The following DLGAP1 variants were observed in gnomAD, a reference collection of about 807,000 sequenced individuals.
DLGAP1 encodes the protein DLG associated protein 1, also known as disks large-associated protein 1.
DLGAP1 carries 11 observed loss-of-function variants against 90.8 expected under a neutral mutation model. The ratio of observed to expected loss-of-function variants is 0.12; its 90% CI spans 0.08 to 0.20. DLGAP1 has a LOEUF of 0.20. DLGAP1 is among the 10% of genes least tolerant of loss of function. The pLI, the probability that DLGAP1 is intolerant of heterozygous loss-of-function variation, is 1.00. For synonymous variants in DLGAP1, 558 were observed against 540.7 expected (o/e 1.03, Z -0.44); for missense variants, 1,050 against 1,333.8 (o/e 0.79, Z 3.31).
intron 1 of DLGAP1, among the ~76,000 whole-genome samples, chr18:4,302,811 T>A (rs1029284112): frequency 4.6e-5 from 7 of 152,248 alleles, no homozygotes; most frequent in African/African-American, 1.4e-4. Context: ...TTGGGTAGCA[T>A]GAACATTTTA....
chr18:4,043,879 CTCAAGTG>C (rs1310039415), intron 2 of DLGAP1, among the ~76,000 whole-genome samples: 2 of 152,186 alleles, frequency 1.3e-5, no homozygotes, highest in Admixed American at 6.5e-5. Context: ...CTATCATTTT[CTCAAGTG>C]TTAGTAAGTA....
At chr18:4,131,454 T>C (rs1017722154) in intron 2 of DLGAP1, among the ~76,000 whole-genome samples, 1 of 152,208 alleles carries the variant, frequency 6.6e-6, no homozygotes, top group African/African-American at 2.4e-5. Flanking sequence ...AGGGCCATAC[T>C]TCCTCTGTTG....
chr18:4,439,785 G>A (rs1278582502), intron 1 of DLGAP1, among the ~76,000 whole-genome samples: 1 of 151,740 alleles, frequency 6.6e-6, no homozygotes. Context: ...ATTCCAGCCT[G>A]GGAGATGGAG....
In DLGAP1 at chr18:3,973,290, CAAAAA is replaced by C. The variant is rs3031700; in HGVS notation, c.-73+31821_-73+31825del. Reference sequence around the variant, plus strand: ...AGAGAATAGTCAGAATAGCCATAGCCAAAAAAAAAAAAAAAAAAAGTCAATACATT... The same window carrying C: ...AGAGAATAGTCAGAATAGCCATAGCCAAAAAAAAAAAAAAGTCAATACATT... On this transcript the variant is annotated intron_variant, in intron 3 of 12. Coordinates refer to ENST00000315677, the MANE Select transcript of DLGAP1 (RefSeq NM_004746.4). 6.6e-4 allele frequency among the ~76,000 whole-genome samples: 89 copies of C among 134,846 alleles called. 1 individual carries two copies. Among genetic ancestry groups the C allele is most frequent in the South Asian group, 3.9e-3 (16 of 4,142 alleles). 88.5% of individuals were successfully genotyped at this position (134,846 alleles called of 152,430 possible).
At chr18:4,271,090 G>A (rs961961352) in intron 1 of DLGAP1, among the ~76,000 whole-genome samples, 1 of 152,094 alleles carries the variant, frequency 6.6e-6, no homozygotes, top group African/African-American at 2.4e-5. Context: ...TCTATAAAGG[G>A]GGAGTATTCT....
chr18:4,177,576 C>CATAGCACCA (rs1156796549), intron 1 of DLGAP1, among the ~76,000 whole-genome samples: 1 of 152,152 alleles, frequency 6.6e-6, no homozygotes, highest in Non-Finnish European at 1.5e-5. Flanking sequence ...AGGTAATAAG[C>CATAGCACCA]ATAGCACCAA....
chr18:4,446,514 T>C (rs1205848471), intron 1 of DLGAP1, among the ~76,000 whole-genome samples: 2 of 152,040 alleles, frequency 1.3e-5, no homozygotes, highest in African/African-American at 4.8e-5. Context: ...GAGTAAGAAA[T>C]TAAGACTAAG....
chr18:3,501,440 ACACTACGAC>A (rs1284322918), intron 12 of DLGAP1, among the ~76,000 whole-genome samples: 1 of 152,166 alleles, frequency 6.6e-6, no homozygotes, highest in Non-Finnish European at 1.5e-5. Flanking sequence ...TTCCAACTTA[ACACTACGAC>A]CCCCATTTTG....
chr18:4,364,325 G>A (rs919649711), intron 1 of DLGAP1, among the ~76,000 whole-genome samples: 1 of 150,074 alleles, frequency 6.7e-6, no homozygotes. Flanking sequence ...GTTAATGGGT[G>A]CAGCACACCA....
chr18:3,542,632 T>C (rs1371007180), intron 9 of DLGAP1, among the ~76,000 whole-genome samples: 1 of 152,206 alleles, frequency 6.6e-6, no homozygotes, highest in Non-Finnish European at 1.5e-5. Flanking sequence ...AGTAGCTTCT[T>C]TGCATACCCC....
At chr18:3,742,266 C>A (rs2063086572) in intron 6 of DLGAP1, 69 bp downstream of exon 6, 2 of 1,556,536 alleles carry the variant, frequency 1.3e-6, no homozygotes, top group Non-Finnish European at 1.7e-6. Context: ...CCACCTCATG[C>A]CCTCTCAATT....
intron 2 of DLGAP1, among the ~76,000 whole-genome samples, chr18:4,081,806 T>C (rs2075612260): frequency 6.6e-6 from 1 of 152,194 alleles, no homozygotes; most frequent in Non-Finnish European, 1.5e-5. Context: ...CCAACAGACT[T>C]TGTCCCAGGC....
chr18:3,671,340 G>A (rs2060083502), intron 7 of DLGAP1, among the ~76,000 whole-genome samples: 4 of 151,960 alleles, frequency 2.6e-5, no homozygotes, highest in Non-Finnish European at 5.9e-5. Flanking sequence ...AACATTTTAT[G>A]TATAAACACT....
Position 3,517,229 on chromosome 18 carries a change from C to T in DLGAP1, c.2480-8568G>A, listed in dbSNP as rs185451288. ...GACTTCAAGTCACCAGGTGCCTGAGCCCCTAACAAGAGAGTGAGCCTGTCC... is the reference window on the plus strand; with the variant it reads ...GACTTCAAGTCACCAGGTGCCTGAGTCCCTAACAAGAGAGTGAGCCTGTCC... On this transcript the variant is annotated intron_variant, in intron 10 of 12. Coordinates refer to ENST00000315677, the MANE Select transcript of DLGAP1 (RefSeq NM_004746.4). The surrounding 1 kb of genome is among the most constrained non-coding windows in gnomAD (Gnocchi z 4.1). Among the ~76,000 whole-genome samples, 26 of 152,302 alleles carry T rather than the reference C, an allele frequency of 1.7e-4. 1 individual carries two copies. The East Asian group carries it at 3.7e-3, about 21-fold the overall frequency.
intron 1 of DLGAP1, among the ~76,000 whole-genome samples, chr18:4,208,728 AAGAG>A (rs779226730): frequency 5.3e-5 from 8 of 152,052 alleles, no homozygotes; most frequent in Non-Finnish European, 1.0e-4. Flanking sequence ...CAGAGAGAAA[AAGAG>A]AGAGAGAAAG....
intron 5 of DLGAP1, among the ~76,000 whole-genome samples, chr18:3,813,344 T>C (rs541345584): frequency 1.1e-4 from 16 of 152,322 alleles, no homozygotes; most frequent in African/African-American, 3.6e-4. Flanking sequence ...TTAGGAGCAA[T>C]AGGCCACTCC....
chr18:4,069,853 C>T (rs940824604), intron 2 of DLGAP1, among the ~76,000 whole-genome samples: 3 of 152,212 alleles, frequency 2.0e-5, no homozygotes, highest in Non-Finnish European at 4.4e-5. Flanking sequence ...GTGCCCTAAT[C>T]TGTGACTATG....
intron 1 of DLGAP1, among the ~76,000 whole-genome samples, chr18:4,403,603 T>C (rs530475880): frequency 2.6e-5 from 4 of 152,300 alleles, no homozygotes; most frequent in African/African-American, 9.6e-5. Context: ...AAATTATAAA[T>C]TATATTTTAA....
At chr18:3,957,894 CTT>C (rs1290209868) in intron 3 of DLGAP1, among the ~76,000 whole-genome samples, 11 of 139,186 alleles carry the variant, frequency 7.9e-5, no homozygotes, top group Non-Finnish European at 7.9e-5. Context: ...CTATTCCATA[CTT>C]TTTTTTTTTT....
Sources: allele counts gnomAD v4.1 joint callset (sites outside exome capture counted in the v4.1 genomes callset), GRCh38; gene constraint gnomAD v4.1.1; non-coding constraint Gnocchi (gnomAD v3.1); transcripts MANE v1.5; gene names NCBI Gene and HGNC (gene_info 2026-07-23, HGNC 2026-07-21).